The following ZNF541 variants were observed in gnomAD, a reference collection of about 807,000 sequenced individuals.
ZNF541 encodes the protein zinc finger protein 541.
Under a neutral mutation model 123.5 loss-of-function variants are expected in ZNF541, and 23 were observed. The ratio of observed to expected loss-of-function variants is 0.19; its 90% CI spans 0.13 to 0.26. ZNF541 has a LOEUF of 0.26. Ranked by LOEUF, ZNF541 falls within the 10% of genes least tolerant of loss-of-function variation. The pLI is 1.00. For synonymous variants in ZNF541, 751 were observed against 754.5 expected (o/e 1.00, Z 0.08); for missense variants, 1,612 against 1,789.9 (o/e 0.90, Z 1.79).
Position 47,555,754 on chromosome 19 carries a change from G to A in ZNF541, c.103C>T (p.Arg35Trp), listed in dbSNP as rs1016209821. Reference protein sequence around the residue: ...QGLNCSDTLNRDLGPNTRGFL... With the variant: ...QGLNCSDTLNWDLGPNTRGFL... Reference sequence around the variant, plus strand: ...CCTCGCGTGTTGGGACCCAAATCCCGGTTGAGGGTGTCGCTGCAGTTGAGC... The same window carrying A: ...CCTCGCGTGTTGGGACCCAAATCCCAGTTGAGGGTGTCGCTGCAGTTGAGC... Residue 35 changes from arginine (R) to tryptophan (W), a missense_variant, in exon 3 of 17, where the codon CGG becomes TGG. Physicochemically the swap from Arg to Trp is moderately radical, Grantham distance 101. Coordinates refer to ENST00000391901, the MANE Select transcript of ZNF541 (RefSeq NM_001277075.3). The A allele has an allele frequency of 3.0e-5, 47 of 1,551,630 alleles. No individual in the cohort carries two copies. Among genetic ancestry groups the A allele is most frequent in the Non-Finnish European group, 3.7e-5 (43 of 1,147,032 alleles).
chr19:47,563,570 C>T (rs1402692728), intron 2 of ZNF541, among the ~76,000 whole-genome samples: 3 of 152,108 alleles, frequency 2.0e-5, no homozygotes, highest in East Asian at 3.9e-4. Context: ...ACCCATCTCC[C>T]CCTGCATCTC....
intron 3 of ZNF541, among the ~76,000 whole-genome samples, chr19:47,554,624 G>A (rs555206179): frequency 3.1e-4 from 47 of 152,246 alleles, no homozygotes; most frequent in African/African-American, 1.1e-3. Context: ...GATCAGAAGG[G>A]ACCGGACCCC....
At chr19:47,562,415 G>A (rs148795620) in intron 2 of ZNF541, among the ~76,000 whole-genome samples, 2,893 of 151,670 alleles carry the variant, frequency 0.019, 84 homozygotes, top group Middle Eastern at 0.054. Flanking sequence ...GTGGTGGTGT[G>A]TGCCTGTAAT....
chr19:47,531,525 A>T, intron 12 of ZNF541, 117 bp downstream of exon 12: 1 of 717,338 alleles, frequency 1.4e-6, no homozygotes, highest in South Asian at 2.3e-5. Flanking sequence ...GTGGAGGAGG[A>T]TGGGCGGCCT....
chr19:47,523,411 G>T (rs1413699565), intron 14 of ZNF541, among the ~76,000 whole-genome samples: 1 of 149,432 alleles, frequency 6.7e-6, no homozygotes, highest in East Asian at 1.9e-4. Context: ...AAATTAAATC[G>T]GCTATTGAGC....
intron 2 of ZNF541, among the ~76,000 whole-genome samples, chr19:47,569,611 C>G (rs1599750218): frequency 6.6e-6 from 1 of 152,122 alleles, no homozygotes; most frequent in African/African-American, 2.4e-5. Context: ...GCCTGTAATC[C>G]CAGCACTTTC....
intron 4 of ZNF541, among the ~76,000 whole-genome samples, chr19:47,546,706 A>G (rs1690470510): frequency 6.6e-6 from 1 of 152,102 alleles, no homozygotes; most frequent in Admixed American, 6.6e-5. Context: ...CACGATGCAC[A>G]GTAGCAAATT....
intron 3 of ZNF541, among the ~76,000 whole-genome samples, chr19:47,551,653 C>T (rs1600044410): frequency 1.3e-5 from 2 of 152,130 alleles, no homozygotes; most frequent in Middle Eastern, 6.8e-3. Flanking sequence ...ATCCTCCCAC[C>T]TCAGCCTATT....
At chr19:47,551,579 C>A (rs1298640890) in intron 3 of ZNF541, among the ~76,000 whole-genome samples, 1 of 151,938 alleles carries the variant, frequency 6.6e-6, no homozygotes, top group Non-Finnish European at 1.5e-5. Context: ...TATTCTGTCA[C>A]CCAGGCTACA....
At chr19:47,544,028 T>G (rs1274923004) in intron 5 of ZNF541, 98 bp downstream of exon 5, 2 of 1,368,522 alleles carry the variant, frequency 1.5e-6, no homozygotes, top group Non-Finnish European at 1.9e-6. Flanking sequence ...AAATTGCATC[T>G]GGGGACTCTC....
In ZNF541 at chr19:47,548,901, C is replaced by A. The variant is rs977088853; in HGVS notation, c.548+344G>T. ...GATCAGCCTGGCCAACATGGTGAAA[C>A]CCTGTCTCTACTAAAAATAATACAA... On this transcript the variant is annotated intron_variant, in intron 4 of 16. Coordinates refer to ENST00000391901, the MANE Select transcript of ZNF541 (RefSeq NM_001277075.3). 5.1e-4 allele frequency among the ~76,000 whole-genome samples: 78 copies of A among 152,144 alleles called. 1 individual carries two copies. Among genetic ancestry groups the A allele is most frequent in the African/African-American group, 1.8e-3 (76 of 41,510 alleles).
rs1970210189 is a variant in ZNF541 at position 47,544,275 on chromosome 19, G to T, written c.2254C>A (p.Pro752Thr). The change falls in exon 5 of 17, where the codon CCG (proline) becomes ACG (threonine). Residue 752 changes from proline (P) to threonine (T), a missense_variant. Physicochemically the swap from Pro to Thr is conservative, Grantham distance 38 (BLOSUM62 -1). Coordinates refer to ENST00000391901, the MANE Select transcript of ZNF541 (RefSeq NM_001277075.3). ...GYRLLGNPRAPRFSGFRKEKA... is the reference protein window; with the variant it reads ...GYRLLGNPRATRFSGFRKEKA... ...TCTTTCCGGAAGCCGGAGAATCGCG[G>T]GGCCCTGGGGTTGCCCAAGAGCCGG... The T allele has an allele frequency of 6.4e-7, 1 of 1,551,474 alleles. No individual in the cohort carries two copies. Among genetic ancestry groups the T allele is most frequent in the African/African-American group, 1.4e-5 (1 of 73,064 alleles).
chr19:47,553,353 C>T (rs1162479347), intron 3 of ZNF541, among the ~76,000 whole-genome samples: 1 of 151,648 alleles, frequency 6.6e-6, no homozygotes, highest in Non-Finnish European at 1.5e-5. Context: ...GTTCTCCTGC[C>T]TCAGCCTCCC....
chr19:47,543,074 AG>A (rs1970152407), intron 5 of ZNF541, among the ~76,000 whole-genome samples: 1 of 152,192 alleles, frequency 6.6e-6, no homozygotes, highest in South Asian at 2.1e-4. Context: ...CAGGGGTTCA[AG>A]ACCAGGCTGG....
chr19:47,550,789 C>G (rs747730479), intron 3 of ZNF541, among the ~76,000 whole-genome samples: 44 of 151,772 alleles, frequency 2.9e-4, no homozygotes, highest in Non-Finnish European at 5.2e-4. Flanking sequence ...TGGGACTACA[C>G]GGGCCACCAC....
At chr19:47,570,627 T>C (rs1029054802) in intron 2 of ZNF541, among the ~76,000 whole-genome samples, 2 of 144,740 alleles carry the variant, frequency 1.4e-5, no homozygotes, top group Admixed American at 1.4e-4. Context: ...TGTTTATATA[T>C]AATGGGTTTA....
In ZNF541 at chr19:47,538,457, C is replaced by A; in HGVS notation, c.2797-18G>T. 2.0e-6 allele frequency: 3 copies of A among 1,473,406 alleles called. No homozygotes were observed. The highest frequency in any genetic ancestry group is 2.7e-6 in the Non-Finnish European group (3 of 1,108,810). The allele number at this position is 1,473,406 out of a possible 1,614,324, so 91.3% of individuals were successfully genotyped here. On this transcript the variant is annotated intron_variant, in intron 8 of 16. Transcript: ENST00000391901. ...TCTTGTCCCTGAAGAAGTTTAGAAC[C>A]ACAGGTGGTCGCCTGAAGCCACCTA...
At position 47,555,196 on chromosome 19, in the gene ZNF541, C is replaced by T. The variant is rs189252488; in HGVS notation, c.307+354G>A. ...CATCCTGGCTAATGCAGTGAAACTC[C>T]GTTTCTACTAAAAATACAAAAAAAT... On this transcript the variant is annotated intron_variant, in intron 3 of 16. Coordinates refer to ENST00000391901, the MANE Select transcript of ZNF541 (RefSeq NM_001277075.3). Among the ~76,000 whole-genome samples the T allele has an allele frequency of 1.9e-3, 286 of 151,490 alleles. 1 individual carries two copies. Among genetic ancestry groups the T allele is most frequent in the Admixed American group, 5.0e-3 (76 of 15,152 alleles).
At chr19:47,540,153 A>C (rs1004458404) in intron 7 of ZNF541, 23 bp downstream of exon 7, 34 of 1,543,136 alleles carry the variant, frequency 2.2e-5, no homozygotes, top group Non-Finnish European at 3.0e-5. Context: ...GTAACCACCA[A>C]GCCACTGGTC....
Sources: allele counts gnomAD v4.1 joint callset (sites outside exome capture counted in the v4.1 genomes callset), GRCh38; gene constraint gnomAD v4.1.1; transcripts MANE v1.5; gene names NCBI Gene and HGNC (gene_info 2026-07-23, HGNC 2026-07-21).